SMG6: variants seen among roughly 807,000 people sequenced by gnomAD.
The protein encoded by SMG6 is telomerase-binding protein EST1A.
SMG6 carries 66 observed loss-of-function variants against 142.2 expected under a neutral mutation model. The observed-to-expected ratio is 0.46, with a 90% CI of 0.38 to 0.57. SMG6 has a LOEUF of 0.57. SMG6 is among the 20% of genes least tolerant of loss of function. The pLI, the probability that SMG6 is intolerant of heterozygous loss-of-function variation, is 0.00. For missense variants in SMG6, 1,793 were observed against 1,832.0 expected (o/e 0.98, Z 0.39); for synonymous variants, 779 against 702.4 (o/e 1.11, Z -1.72).
At chr17:2,192,920 T>C (rs1420984093) in intron 10 of SMG6, among the ~76,000 whole-genome samples, 1 of 152,208 alleles carries the variant, frequency 6.6e-6, no homozygotes, top group Admixed American at 6.5e-5. Context: ...TTTTATTCCC[T>C]GAGGAGCAGA....
At chr17:2,149,349 CAAA>C (rs1178295829) in intron 13 of SMG6, among the ~76,000 whole-genome samples, 2 of 71,112 alleles carry the variant, frequency 2.8e-5, no homozygotes, top group African/African-American at 4.9e-5. Flanking sequence ...GATTCCCCCT[CAAA>C]AAAAAAAAAA....
At chr17:2,183,747 C>CAG (rs2071878889) in intron 12 of SMG6, among the ~76,000 whole-genome samples, 1 of 2,216 alleles carries the variant, frequency 4.5e-4, no homozygotes, top group Admixed American at 5.0e-3. Context: ...GTGCGTGCGA[C>CAG]ACACACACAC....
At chr17:2,158,078 G>T (rs2151617655) in intron 13 of SMG6, among the ~76,000 whole-genome samples, 2 of 152,320 alleles carry the variant, frequency 1.3e-5, no homozygotes, top group Middle Eastern at 6.8e-3. Flanking sequence ...AAGAAGGGAA[G>T]AAGTTAATTT....
intron 13 of SMG6, among the ~76,000 whole-genome samples, chr17:2,116,120 G>C (rs2069497925): frequency 6.6e-6 from 1 of 152,132 alleles, no homozygotes; most frequent in African/African-American, 2.4e-5. Context: ...GCCCAGGCTA[G>C]AGTGCAGTGG....
At chr17:2,251,374 G>A (rs899974042) in intron 8 of SMG6, among the ~76,000 whole-genome samples, 1 of 151,950 alleles carries the variant, frequency 6.6e-6, no homozygotes, top group Admixed American at 6.6e-5. Context: ...GGACCAAAGA[G>A]CCACGCTGAG....
At chr17:2,247,268 T>C (rs991999591) in intron 8 of SMG6, among the ~76,000 whole-genome samples, 1 of 152,232 alleles carries the variant, frequency 6.6e-6, no homozygotes, top group Non-Finnish European at 1.5e-5. Flanking sequence ...GAGAAGAATA[T>C]GTGGGAGTTT....
At position 2,290,277 on chromosome 17, in the gene SMG6, T is replaced by C. The variant is rs188667718; in HGVS notation, c.2337+2275A>G. ...TGGTACTGACCAAAGAACAGAGAAA[T>C]AGATGAACAGAGAGGCCAGAAATAA... On this transcript the variant is annotated intron_variant, in intron 6 of 18. Coordinates refer to ENST00000263073, the MANE Select transcript of SMG6 (RefSeq NM_017575.5). Among the ~76,000 whole-genome samples the C allele has an allele frequency of 1.2e-4, 18 of 152,114 alleles. No homozygotes were observed. In the South Asian group the frequency reaches 2.5e-3, roughly 21 times the overall value.
chr17:2,088,161 C>CA, intron 13 of SMG6: 1 of 985,442 alleles, frequency 1.0e-6, no homozygotes, highest in Non-Finnish European at 1.2e-6. Flanking sequence ...GAGTGTGCCA[C>CA]GGACACATGC....
At chr17:2,256,964 G>GTAT (rs2074196338) in intron 8 of SMG6, among the ~76,000 whole-genome samples, 1 of 151,812 alleles carries the variant, frequency 6.6e-6, no homozygotes, top group Non-Finnish European at 1.5e-5. Flanking sequence ...ATGTATGTAT[G>GTAT]TATGTATGTA....
At chr17:2,273,516 C>T (rs2074584005) in intron 8 of SMG6, among the ~76,000 whole-genome samples, 1 of 152,166 alleles carries the variant, frequency 6.6e-6, no homozygotes. Context: ...GCCTGTAGTC[C>T]CAGCTACACG....
In SMG6 at chr17:2,220,502, C is replaced by T. The variant is rs191250603; in HGVS notation, c.2869+15990G>A. Among the ~76,000 whole-genome samples, 8 of 152,118 alleles carry T rather than the reference C, an allele frequency of 5.3e-5. No individual in the cohort carries two copies. The South Asian group carries it at 1.2e-3, about 24-fold the overall frequency. On this transcript the variant is annotated intron_variant, in intron 10 of 18. Coordinates refer to ENST00000263073, the MANE Select transcript of SMG6 (RefSeq NM_017575.5). ...AAAATTAGCTGAGCGTAGTGGCATG[C>T]GCTTGTAGTCCCAGCTACTTGGGAG...
chr17:2,283,574 A>T lies in SMG6; in HGVS notation c.2448+51T>A, dbSNP rs545448454. The T allele has an allele frequency of 4.5e-5, 64 of 1,435,498 alleles. 1 individual carries two copies. The South Asian group carries it at 5.4e-4, about 12-fold the overall frequency. 88.9% of individuals were successfully genotyped at this position (1,435,498 alleles called of 1,614,324 possible). A position where few individuals can be genotyped will look rare whatever the true frequency, so the allele number is the denominator to read the frequency against. ...GCAGAGCTAGGGCACACCAACACTC[A>T]GGGAAATGCACTATTCGAGGAAGGA... On this transcript the variant is annotated intron_variant, in intron 7 of 18. Coordinates refer to ENST00000263073, the MANE Select transcript of SMG6 (RefSeq NM_017575.5).
intron 13 of SMG6, among the ~76,000 whole-genome samples, chr17:2,098,041 TAC>T (rs2068903854): frequency 6.6e-6 from 1 of 152,008 alleles, no homozygotes; most frequent in South Asian, 2.1e-4. Flanking sequence ...CAGGCTGGAG[TAC>T]AGTGACGAGA....
chr17:2,155,479 T>C (rs2151610478), intron 13 of SMG6, among the ~76,000 whole-genome samples: 1 of 152,244 alleles, frequency 6.6e-6, no homozygotes, highest in South Asian at 2.1e-4. Context: ...CCTCCAAAGA[T>C]ATAGCAGATT....
intron 13 of SMG6, among the ~76,000 whole-genome samples, chr17:2,103,231 G>A (rs1224664800): frequency 1.3e-5 from 2 of 152,076 alleles, no homozygotes; most frequent in Admixed American, 6.6e-5. Context: ...GGAAAGGATC[G>A]TTCTGCCACT....
intron 13 of SMG6, among the ~76,000 whole-genome samples, chr17:2,170,576 A>T (rs918558636): frequency 6.6e-6 from 1 of 152,240 alleles, no homozygotes; most frequent in African/African-American, 2.4e-5. Context: ...CTCACATACT[A>T]CAAATCCCCA....
At chr17:2,173,855 T>G (rs554425338) in intron 12 of SMG6, among the ~76,000 whole-genome samples, 12 of 142,978 alleles carry the variant, frequency 8.4e-5, no homozygotes, top group African/African-American at 3.0e-4. Context: ...CTTTTTTTTT[T>G]TTTTTTTTTT....
chr17:2,303,260 G>A (rs1196814451), intron 1 of SMG6: 2 of 1,056,086 alleles, frequency 1.9e-6, no homozygotes, highest in Non-Finnish European at 1.1e-6. Context: ...GCCCGCGGAG[G>A]GCGGCCTGGA....
intron 8 of SMG6, among the ~76,000 whole-genome samples, chr17:2,255,175 C>T (rs1288177176): frequency 2.0e-5 from 3 of 151,484 alleles, no homozygotes; most frequent in Middle Eastern, 3.2e-3. Context: ...GAGGCCGAGG[C>T]GGGCGGATCA....
Sources: gnomAD v4.1 joint callset for allele counts (sites outside exome capture counted in the v4.1 genomes callset) on GRCh38, gnomAD v4.1.1 for gene constraint, MANE v1.5 for transcripts, NCBI Gene and HGNC (gene_info 2026-07-23, HGNC 2026-07-21) for gene names.